ROBO1: variants seen among roughly 807,000 people sequenced by gnomAD.
ROBO1 encodes roundabout guidance receptor 1.
In ROBO1, 149 loss-of-function variants were observed where a neutral mutation model predicts 195.9. The ratio of observed to expected loss-of-function variants is 0.76; its 90% CI spans 0.67 to 0.87. The LOEUF is 0.87. ROBO1 is among the 40% of genes least tolerant of loss of function. The pLI, the probability that ROBO1 is intolerant of heterozygous loss-of-function variation, is 0.00. For missense variants in ROBO1, 1,933 were observed against 2,068.3 expected, an observed-to-expected ratio of 0.93 and a Z score of 1.27; for synonymous variants, 816 against 733.2, an observed-to-expected ratio of 1.11 and a Z score of -1.82.
At chr3:79,669,715 T>C (rs1946577936) in intron 1 of ROBO1, among the ~76,000 whole-genome samples, 1 of 151,818 alleles carries the variant, frequency 6.6e-6, no homozygotes, top group African/African-American at 2.4e-5. Flanking sequence ...TAAGAGACCC[T>C]AGTCACTATC....
intron 3 of ROBO1, among the ~76,000 whole-genome samples, chr3:79,118,891 A>G (rs999347060): frequency 3.3e-5 from 5 of 151,894 alleles, no homozygotes; most frequent in Admixed American, 6.6e-5. Flanking sequence ...ATTTGAAGCA[A>G]TCTCTCCACA....
At chr3:78,721,021 A>G (rs2082032427) in intron 5 of ROBO1, among the ~76,000 whole-genome samples, 2 of 151,978 alleles carry the variant, frequency 1.3e-5, no homozygotes, top group African/African-American at 4.8e-5. Flanking sequence ...TGGGTGCAGC[A>G]CACCAACATG....
At chr3:79,265,301 T>C (rs1030446545) in intron 2 of ROBO1, among the ~76,000 whole-genome samples, 1 of 151,698 alleles carries the variant, frequency 6.6e-6, no homozygotes, top group Admixed American at 6.6e-5. Context: ...AGCAGATTTT[T>C]TTTTTTTGCT....
At chr3:78,857,361 T>G (rs1354165713) in intron 4 of ROBO1, among the ~76,000 whole-genome samples, 1 of 152,188 alleles carries the variant, frequency 6.6e-6, no homozygotes, top group Non-Finnish European at 1.5e-5. Flanking sequence ...ATTTTAAAAT[T>G]TTAAATGTTT....
intron 1 of ROBO1, among the ~76,000 whole-genome samples, chr3:79,615,753 T>C (rs1417178817): frequency 1.3e-5 from 2 of 152,154 alleles, no homozygotes; most frequent in East Asian, 1.9e-4. Flanking sequence ...GACTCATACA[T>C]ATATAATCAA....
chr3:79,533,655 T>C (rs1228123869), intron 2 of ROBO1, among the ~76,000 whole-genome samples: 1 of 152,144 alleles, frequency 6.6e-6, no homozygotes, highest in Non-Finnish European at 1.5e-5. Flanking sequence ...ACCCTCAGTA[T>C]ATGCAAACTT....
In ROBO1 at chr3:78,970,678, A is replaced by C. The variant is rs373386730; in HGVS notation, c.173-31751T>G. ...ATAATTAACTATTAAAATGACAAAA[A>C]AATCTTTGCAGAGGTAATAAGGAAA... On this transcript the variant is annotated intron_variant, in intron 3 of 30. Coordinates refer to ENST00000464233, the MANE Select transcript of ROBO1 (RefSeq NM_002941.4). 8.5e-5 allele frequency among the ~76,000 whole-genome samples: 13 copies of C among 152,294 alleles called. No individual in the cohort carries two copies. In the East Asian group the frequency reaches 1.5e-3, roughly 18 times the overall value.
chr3:79,074,064 G>A (rs1459871696), intron 3 of ROBO1, among the ~76,000 whole-genome samples: 1 of 151,586 alleles, frequency 6.6e-6, no homozygotes, highest in Non-Finnish European at 1.5e-5. Flanking sequence ...TAATCTCATT[G>A]TTCTTTAATT....
intron 2 of ROBO1, among the ~76,000 whole-genome samples, chr3:79,290,983 A>G (rs2032207948): frequency 6.6e-6 from 1 of 152,172 alleles, no homozygotes; most frequent in Admixed American, 6.5e-5. Flanking sequence ...TCCATGTGAA[A>G]AGAATATTAT....
In ROBO1 at chr3:78,825,356, C is replaced by G. The variant is rs184318189; in HGVS notation, c.500-78456G>C. Among the ~76,000 whole-genome samples, 4 of 152,134 alleles carry G rather than the reference C, an allele frequency of 2.6e-5. No homozygotes were observed. The East Asian group carries it at 7.7e-4, about 29-fold the overall frequency. On this transcript the variant is annotated intron_variant, in intron 4 of 30. Transcript: ENST00000464233. ...AGCCTGGATTTCACCTAGGAGAACC[C>G]AAAAATGAAAGAAAGAGTCCTGAAA...
intron 1 of ROBO1, among the ~76,000 whole-genome samples, chr3:79,692,862 C>T (rs1027541947): frequency 4.0e-5 from 6 of 151,746 alleles, no homozygotes; most frequent in African/African-American, 1.5e-4. Flanking sequence ...TTTGCATATA[C>T]ATAATGAGTT....
At chr3:78,703,888 T>A (rs965265087) in intron 8 of ROBO1, among the ~76,000 whole-genome samples, 5 of 152,074 alleles carry the variant, frequency 3.3e-5, no homozygotes, top group African/African-American at 1.2e-4. Flanking sequence ...GTGACTTTAG[T>A]GGGCATCTGT....
At chr3:78,695,625 C>CAAAAAAAA (rs1172592248) in intron 8 of ROBO1, among the ~76,000 whole-genome samples, 4 of 54,498 alleles carry the variant, frequency 7.3e-5, no homozygotes, top group African/African-American at 2.2e-4. Flanking sequence ...ACTCTTGTCT[C>CAAAAAAAA]AAAAAAAAAA....
chr3:79,107,078 G>A (rs1345637245), intron 3 of ROBO1, among the ~76,000 whole-genome samples: 2 of 148,544 alleles, frequency 1.3e-5, no homozygotes, highest in African/African-American at 4.9e-5. Context: ...AAGTGTTGTT[G>A]GAAAACTGCT....
intron 1 of ROBO1, among the ~76,000 whole-genome samples, chr3:79,672,552 G>A (rs901741845): frequency 2.6e-5 from 4 of 151,868 alleles, no homozygotes; most frequent in Non-Finnish European, 4.4e-5. Context: ...CAGATCAGAC[G>A]TAAACTCTTA....
At chr3:78,860,499 A>G (rs1459207773) in intron 4 of ROBO1, among the ~76,000 whole-genome samples, 1 of 151,784 alleles carries the variant, frequency 6.6e-6, no homozygotes, top group African/African-American at 2.4e-5. Context: ...GGAGACTAAG[A>G]GAGATGACCA....
chr3:79,427,420 G>A (rs797014757), intron 2 of ROBO1, among the ~76,000 whole-genome samples: 13 of 152,218 alleles, frequency 8.5e-5, no homozygotes, highest in African/African-American at 2.6e-4. Context: ...CAAATGAAGA[G>A]GCAGGAGAAC....
intron 4 of ROBO1, among the ~76,000 whole-genome samples, chr3:78,850,092 C>G (rs553354154): frequency 7.2e-5 from 11 of 152,198 alleles, no homozygotes; most frequent in African/African-American, 2.6e-4. Flanking sequence ...TATCATAAAG[C>G]CTTGATGTGT....
Position 78,746,879 on chromosome 3 carries a change from T to G in ROBO1, c.521A>C (p.Gln174Pro). 6.4e-7 allele frequency: 1 copy of G among 1,574,632 alleles called. No individual in the cohort carries two copies. Among genetic ancestry groups the G allele is most frequent in the Non-Finnish European group, 8.7e-7 (1 of 1,154,974 alleles). Residue 174 changes from glutamine (Q) to proline (P), a missense_variant, in exon 5 of 31, where the codon CAA becomes CCA. Physicochemically the swap from Gln to Pro is moderately conservative, Grantham distance 76. Coordinates refer to ENST00000464233, the MANE Select transcript of ROBO1 (RefSeq NM_002941.4). Reference protein sequence around the residue: ...EVAILRDDFRQNPSDVMVAVG... With the variant: ...EVAILRDDFRPNPSDVMVAVG... Reference sequence around the variant, plus strand: ...TGCAACCATGACATCCGAAGGGTTTTGTCTGAAGTCATCCCGAAGTACTGT... The same window carrying G: ...TGCAACCATGACATCCGAAGGGTTTGGTCTGAAGTCATCCCGAAGTACTGT...
Sources: allele counts gnomAD v4.1 joint callset (sites outside exome capture counted in the v4.1 genomes callset), GRCh38; gene constraint gnomAD v4.1.1; transcripts MANE v1.5; gene names NCBI Gene and HGNC (gene_info 2026-07-23, HGNC 2026-07-21).